Variants in TMEM181 observed in about 807,000 individuals in gnomAD.
TMEM181 encodes the protein transmembrane protein 181, also known as G protein-coupled receptor 178.
A neutral mutation model predicts 71.9 loss-of-function variants in TMEM181; 39 were observed. The observed-to-expected ratio is 0.54, with a 90% CI of 0.42 to 0.71. The LOEUF (loss-of-function observed/expected upper bound fraction) is 0.71, where lower values mean the gene tolerates loss of function less well. Ranked by LOEUF, TMEM181 falls within the 30% of genes least tolerant of loss-of-function variation. The pLI is 0.00. For missense variants in TMEM181, 595 were observed against 583.0 expected (o/e 1.02, Z -0.21); for synonymous variants, 245 against 228.8 (o/e 1.07, Z -0.64).
chr6:158,613,591 C>G (rs533613516), intron 10 of TMEM181, among the ~76,000 whole-genome samples: 2 of 152,272 alleles, frequency 1.3e-5, no homozygotes, highest in South Asian at 4.1e-4. Flanking sequence ...GGACTGTGTA[C>G]ACAGAATATG....
At chr6:158,537,666 C>T (rs930309395) in intron 1 of TMEM181, among the ~76,000 whole-genome samples, 1 of 152,222 alleles carries the variant, frequency 6.6e-6, no homozygotes, top group Non-Finnish European at 1.5e-5. Flanking sequence ...CCCTCACCCC[C>T]CCACCTCAAC....
chr6:158,591,276 A>G (rs868815865), intron 6 of TMEM181, among the ~76,000 whole-genome samples: 34 of 151,846 alleles, frequency 2.2e-4, no homozygotes, highest in African/African-American at 7.3e-4. Context: ...CTCTGGCTCC[A>G]TGTTTCCTTC....
At chr6:158,615,019 G>C (rs1160487681) in intron 10 of TMEM181, among the ~76,000 whole-genome samples, 1 of 152,158 alleles carries the variant, frequency 6.6e-6, no homozygotes, top group Non-Finnish European at 1.5e-5. Context: ...GGGATGGCTA[G>C]GTCAAATGGT....
intron 10 of TMEM181, among the ~76,000 whole-genome samples, chr6:158,619,838 CA>C (rs1013671450): frequency 6.9e-6 from 1 of 144,116 alleles, no homozygotes; most frequent in African/African-American, 2.6e-5. Context: ...CACTGCACTC[CA>C]GCCTGGCGAC....
chr6:158,572,393 C>T (rs1223613617), intron 1 of TMEM181: 1 of 456,656 alleles, frequency 2.2e-6, no homozygotes. Flanking sequence ...TGGTCTGGCT[C>T]CCAAGACCAG....
chr6:158,596,356 T>C (rs981558879), intron 6 of TMEM181, among the ~76,000 whole-genome samples: 1 of 152,230 alleles, frequency 6.6e-6, no homozygotes, highest in African/African-American at 2.4e-5. Flanking sequence ...CAGTGCCGTG[T>C]GTGGCTGGCT....
At chr6:158,631,784 G>T (rs770859873) in intron 16 of TMEM181, 26 bp from the exon 17 acceptor site, 2 of 1,578,288 alleles carry the variant, frequency 1.3e-6, no homozygotes, top group African/African-American at 1.3e-5. Flanking sequence ...GAAGTTAGAC[G>T]GTCTCAAAGG....
At chr6:158,544,421 A>G (rs1323935463) in intron 1 of TMEM181, among the ~76,000 whole-genome samples, 2 of 152,096 alleles carry the variant, frequency 1.3e-5, no homozygotes, top group African/African-American at 4.8e-5. Context: ...AGGTTAAGCC[A>G]GGCTGGGTGA....
chr6:158,625,102 A>T lies in TMEM181; in HGVS notation c.955-2A>T. The T allele has an allele frequency of 6.2e-7, 1 of 1,612,376 alleles. No individual in the cohort carries two copies. The highest frequency in any genetic ancestry group is 8.5e-7 in the Non-Finnish European group (1 of 1,178,388). On this transcript the variant is annotated splice_acceptor_variant, in intron 11 of 16. Transcript: ENST00000684151. LOFTEE classifies it high-confidence loss of function. ...CTCAAGTGCTGCCTTGTGTCCTCCTAGGGAATGAAGGTCTTCTTCATGGTG... is the reference window on the plus strand; with the variant it reads ...CTCAAGTGCTGCCTTGTGTCCTCCTTGGGAATGAAGGTCTTCTTCATGGTG...
At chr6:158,591,849 A>T (rs961630599) in intron 6 of TMEM181, among the ~76,000 whole-genome samples, 1 of 151,904 alleles carries the variant, frequency 6.6e-6, no homozygotes, top group Admixed American at 6.6e-5. Context: ...TTGTCCTTCC[A>T]TCTTTTGTAT....
intron 1 of TMEM181, 107 bp downstream of exon 1, chr6:158,560,339 C>T (rs1458009635): frequency 1.6e-5 from 16 of 982,084 alleles, no homozygotes; most frequent in Non-Finnish European, 1.6e-5. Flanking sequence ...CTGGCGCCCA[C>T]GTGGAACTGG....
At chr6:158,609,917 C>T (rs1156796643) in intron 10 of TMEM181, 2 of 232,702 alleles carry the variant, frequency 8.6e-6, no homozygotes, top group Admixed American at 4.1e-5. Flanking sequence ...CAGCACTTCC[C>T]GGGCTTCTCA....
At chr6:158,614,224 T>C (rs757926572) in intron 10 of TMEM181, among the ~76,000 whole-genome samples, 2 of 152,218 alleles carry the variant, frequency 1.3e-5, no homozygotes, top group South Asian at 4.1e-4. Context: ...ACCTTGAGAC[T>C]AAAGTTTGAT....
At chr6:158,569,899 C>G (rs1413573532) in intron 1 of TMEM181, among the ~76,000 whole-genome samples, 1 of 152,196 alleles carries the variant, frequency 6.6e-6, no homozygotes, top group Non-Finnish European at 1.5e-5. Flanking sequence ...CCACCGCACC[C>G]AGCCTCTCAT....
chr6:158,621,596 C>A, intron 10 of TMEM181: 1 of 159,468 alleles, frequency 6.3e-6, no homozygotes, highest in South Asian at 1.7e-4. Context: ...TTCCCACATT[C>A]TGCTCTGGTG....
At chr6:158,547,420 T>C (rs931032483) in intron 1 of TMEM181, among the ~76,000 whole-genome samples, 2 of 152,216 alleles carry the variant, frequency 1.3e-5, no homozygotes, top group African/African-American at 4.8e-5. Context: ...TGAGACCCAC[T>C]GTCTTAAACT....
chr6:158,582,782 A>G lies in TMEM181; in HGVS notation c.169-1172A>G, dbSNP rs780928589. The stretch of plus-strand genomic sequence containing the variant: ...GTAACTCTCTCTGTGGCCTGCTGCT[A>G]TTAAACACCAGTATTACGTCTTTCA... On this transcript the variant is annotated intron_variant, in intron 3 of 16. Transcript: ENST00000684151. Among the ~76,000 whole-genome samples the G allele has an allele frequency of 8.5e-5, 13 of 152,312 alleles. No individual in the cohort carries two copies. In the South Asian group the frequency reaches 1.0e-3, roughly 12 times the overall value.
chr6:158,616,431 C>A (rs1785617869), intron 10 of TMEM181, among the ~76,000 whole-genome samples: 1 of 152,166 alleles, frequency 6.6e-6, no homozygotes, highest in Admixed American at 6.5e-5. Context: ...CATCTGCAAA[C>A]AGGGACAATT....
At chr6:158,591,551 T>TTCATGG (rs1421279825) in intron 6 of TMEM181, among the ~76,000 whole-genome samples, 1 of 151,928 alleles carries the variant, frequency 6.6e-6, no homozygotes, top group African/African-American at 2.4e-5. Context: ...GTGTCCTCCA[T>TTCATGG]TCATGGTGCA....
Sources: allele counts gnomAD v4.1 joint callset (sites outside exome capture counted in the v4.1 genomes callset), GRCh38; gene constraint gnomAD v4.1.1; transcripts MANE v1.5; gene names NCBI Gene and HGNC (gene_info 2026-07-23, HGNC 2026-07-21).